Variants in KIRREL3 observed in about 807,000 individuals in gnomAD.
The protein encoded by KIRREL3 is kirre like nephrin family adhesion molecule 3.
In KIRREL3, 36 loss-of-function variants were observed where a neutral mutation model predicts 89.7. That is an observed-to-expected ratio of 0.40 (90% CI 0.31 to 0.53). The LOEUF (loss-of-function observed/expected upper bound fraction) is 0.53, where lower values mean the gene tolerates loss of function less well. Among genes scored for constraint, KIRREL3 ranks in the 20% least tolerant of loss-of-function variants. The pLI is 0.49. For synonymous variants in KIRREL3, 445 were observed against 441.4 expected, an observed-to-expected ratio of 1.01 and a Z score of -0.10; for missense variants, 864 against 1,056.6, an observed-to-expected ratio of 0.82 and a Z score of 2.53.
At chr11:126,992,530 T>C (rs1950064212) in intron 1 of KIRREL3, 1 of 152,234 alleles carries the variant, frequency 6.6e-6, no homozygotes, top group Admixed American at 6.5e-5. Context: ...GTGTGGAACA[T>C]ACAGGTAGAT....
At position 126,475,201 on chromosome 11, in the gene KIRREL3, G is replaced by A. The variant is rs76672855; in HGVS notation, c.434-1735C>T. On this transcript the variant is annotated intron_variant, in intron 4 of 16. Coordinates refer to ENST00000525144, the MANE Select transcript of KIRREL3 (RefSeq NM_032531.4). The surrounding 1 kb of genome is among the most constrained non-coding windows in gnomAD (Gnocchi z 7.5). ...CTTCTATGCAGGCTCTGTGCTCGGG[G>A]CTCTGGGCTGGAGAAGTTCAGAGCT... Among the ~76,000 whole-genome samples the A allele has an allele frequency of 6.6e-6, 1 of 152,204 alleles. No homozygotes were observed. The highest frequency in any genetic ancestry group is 1.5e-5 in the Non-Finnish European group (1 of 68,030).
rs531602932 is a variant in KIRREL3 at position 126,708,344 on chromosome 11, T to C, written c.56-145432A>G. On this transcript the variant is annotated intron_variant, in intron 1 of 16. Transcript: ENST00000525144. The surrounding 1 kb of genome is among the most constrained non-coding windows in gnomAD (Gnocchi z 5.7). ...AACAATGTACTCCTCACCAAGGCAT[T>C]TAGCCAGAAAAGTGCTCCTGCTTAG... is the stretch of plus-strand genomic sequence containing the variant. Among the ~76,000 whole-genome samples the C allele has an allele frequency of 3.0e-4, 45 of 152,338 alleles. No individual in the cohort carries two copies. The East Asian group carries it at 8.7e-3, about 29-fold the overall frequency.
rs1947465550 is a variant in KIRREL3, at chr11:126,923,186, T to TCTTCTTCTTCTCTTCTTCTTCTC, written c.55+77268_55+77269insGAGAAGAAGAAGAGAAGAAGAAG. ...CTTCTTCTTCTTCTTCTCTTCTTCT[T>TCTTCTTCTTCTCTTCTTCTTCTC]CTCTTCTTCTTCTTCTTCTTCTTCT... On this transcript the variant is annotated intron_variant, in intron 1 of 16. Transcript: ENST00000525144. 4.1e-4 allele frequency among the ~76,000 whole-genome samples: 10 copies of TCTTCTTCTTCTCTTCTTCTTCTC among 24,678 alleles called. 2 individuals carry two copies. Among genetic ancestry groups the TCTTCTTCTTCTCTTCTTCTTCTC allele is most frequent in the Non-Finnish European group, 8.2e-5 (1 of 12,204 alleles). 16.2% of individuals were successfully genotyped at this position (24,678 alleles called of 152,430 possible).
At chr11:126,630,675 C>T (rs1197775936) in intron 1 of KIRREL3, among the ~76,000 whole-genome samples, 1 of 152,200 alleles carries the variant, frequency 6.6e-6, no homozygotes, top group Non-Finnish European at 1.5e-5. Context: ...AGACTGATTG[C>T]CTCCTGCTTG....
rs1042378662 is a variant in KIRREL3 at position 126,808,710 on chromosome 11, G to A, written c.55+191745C>T. 2.6e-5 allele frequency among the ~76,000 whole-genome samples: 4 copies of A among 152,116 alleles called. No homozygotes were observed. Among genetic ancestry groups the A allele is most frequent in the Admixed American group, 2.0e-4 (3 of 15,270 alleles). On this transcript the variant is annotated intron_variant, in intron 1 of 16. Transcript: ENST00000525144. This position sits in a 1 kb window ranked among gnomAD's most constrained non-coding sequence, Gnocchi z 4.1. ...GTCTGAGTTTTGTCATGCAAACGAA[G>A]AAAAACAACTTGCTTTCCAATTTCC...
Position 126,684,321 on chromosome 11 carries a change from G to T in KIRREL3, c.56-121409C>A, listed in dbSNP as rs529681169. Among the ~76,000 whole-genome samples the T allele has an allele frequency of 3.3e-5, 5 of 152,344 alleles. No individual in the cohort carries two copies. In the South Asian group the frequency reaches 1.0e-3, roughly 32 times the overall value. ...AGACTAGATTGGGGCTTTCAACATT[G>T]CTGATATTTTGAACAGCAGAATCCT... On this transcript the variant is annotated intron_variant, in intron 1 of 16. Coordinates refer to ENST00000525144, the MANE Select transcript of KIRREL3 (RefSeq NM_032531.4). The surrounding 1 kb of genome is among the most constrained non-coding windows in gnomAD (Gnocchi z 4.2).
intron 6 of KIRREL3, 144 bp from the exon 7 acceptor site, chr11:126,456,598 G>T: frequency 4.9e-6 from 3 of 610,578 alleles, no homozygotes. Flanking sequence ...AGGAAGCTGG[G>T]GGCTCCATGG....
chr11:126,985,315 C>T lies in KIRREL3; in HGVS notation c.55+15140G>A, dbSNP rs1256486308. Among the ~76,000 whole-genome samples the T allele has an allele frequency of 1.3e-5, 2 of 152,084 alleles. No homozygotes were observed. The highest frequency in any genetic ancestry group is 2.9e-5 in the Non-Finnish European group (2 of 68,028). On this transcript the variant is annotated intron_variant, in intron 1 of 16. Coordinates refer to ENST00000525144, the MANE Select transcript of KIRREL3 (RefSeq NM_032531.4). The surrounding 1 kb of genome is among the most constrained non-coding windows in gnomAD (Gnocchi z 5.3). Reference sequence around the variant, plus strand: ...TTGTATCTGACTCTGCGCCCAAGTCCAACAAAGCCACTGCACGGTAGATGG... The same window carrying T: ...TTGTATCTGACTCTGCGCCCAAGTCTAACAAAGCCACTGCACGGTAGATGG...
At position 126,999,952 on chromosome 11, in the gene KIRREL3, G is replaced by T. The variant is rs1454932378; in HGVS notation, c.55+503C>A. Among the ~76,000 whole-genome samples the T allele has an allele frequency of 6.6e-6, 1 of 152,032 alleles. No individual in the cohort carries two copies. The highest frequency in any genetic ancestry group is 1.5e-5 in the Non-Finnish European group (1 of 68,010). On this transcript the variant is annotated intron_variant, in intron 1 of 16. Transcript: ENST00000525144. The surrounding 1 kb of genome is among the most constrained non-coding windows in gnomAD (Gnocchi z 5.7). ...CAAATTACCCCCCACAATACATTCTGTAATTGCAACCCCCTTTTCAACGGT... is the reference window on the plus strand; with the variant it reads ...CAAATTACCCCCCACAATACATTCTTTAATTGCAACCCCCTTTTCAACGGT...
At chr11:126,937,936 G>A (rs1328235235) in intron 1 of KIRREL3, among the ~76,000 whole-genome samples, 1 of 152,160 alleles carries the variant, frequency 6.6e-6, no homozygotes, top group East Asian at 1.9e-4. Flanking sequence ...CAGCAGTCAT[G>A]TTGGTACTGC....
chr11:126,552,912 T>A (rs1237763013), intron 2 of KIRREL3, among the ~76,000 whole-genome samples: 1 of 151,864 alleles, frequency 6.6e-6, no homozygotes, highest in Non-Finnish European at 1.5e-5. Context: ...AAAAAAATAG[T>A]CATTATACCA....
rs1432667231 is a variant in KIRREL3 at position 126,605,414 on chromosome 11, G to A, written c.56-42502C>T. 1.3e-5 allele frequency among the ~76,000 whole-genome samples: 2 copies of A among 152,188 alleles called. No individual in the cohort carries two copies. The highest frequency in any genetic ancestry group is 2.9e-5 in the Non-Finnish European group (2 of 68,032). ...CTTGGGTCTGGGATTTGAGGCTCAG[G>A]GGGAGGAGTCCTGCGGTGACTGCTG... On this transcript the variant is annotated intron_variant, in intron 1 of 16. Transcript: ENST00000525144. The surrounding 1 kb of genome is among the most constrained non-coding windows in gnomAD (Gnocchi z 5.7).
chr11:126,796,725 G>A lies in KIRREL3; in HGVS notation c.55+203730C>T, dbSNP rs1330377228. ...AGGTCTTGCTCTGTTGCCCAGGCTG[G>A]AGTGCAGTGGCATGATCTTGGCTCA... On this transcript the variant is annotated intron_variant, in intron 1 of 16. Coordinates refer to ENST00000525144, the MANE Select transcript of KIRREL3 (RefSeq NM_032531.4). The surrounding 1 kb of genome is among the most constrained non-coding windows in gnomAD (Gnocchi z 5.1). 5.9e-5 allele frequency among the ~76,000 whole-genome samples: 9 copies of A among 151,766 alleles called. No homozygotes were observed. The highest frequency in any genetic ancestry group is 2.2e-4 in the African/African-American group (9 of 41,276).
At chr11:126,473,255 CA>C in intron 5 of KIRREL3, 53 bp downstream of exon 5, 2 of 749,646 alleles carry the variant, frequency 2.7e-6, no homozygotes, top group Admixed American at 4.0e-5. Flanking sequence ...GCCCCCTCCC[CA>C]CCCACTCCCC....
chr11:126,517,333 C>T (rs780049907), intron 4 of KIRREL3, among the ~76,000 whole-genome samples: 12 of 152,214 alleles, frequency 7.9e-5, no homozygotes, highest in Non-Finnish European at 1.6e-4. Flanking sequence ...TGCCCAAGGT[C>T]ACCCAGTTAG....
At chr11:126,625,894 A>G (rs1274636924) in intron 1 of KIRREL3, among the ~76,000 whole-genome samples, 1 of 152,370 alleles carries the variant, frequency 6.6e-6, no homozygotes, top group East Asian at 1.9e-4. Context: ...TTACCCCTGT[A>G]TAATGACAGC....
At position 126,436,930 on chromosome 11, in the gene KIRREL3, C is replaced by T. The variant is rs1278802879; in HGVS notation, c.1433G>A (p.Gly478Asp). ...GCTGATGGTCAGGGTGGAGATGACG[C>T]CCTCCTCGGTGCTGATGGTCTCCAC... Reference protein sequence around the residue: ...YTVETISTEEGVISTLTISNI... With the variant: ...YTVETISTEEDVISTLTISNI... The change falls in exon 12 of 17, where the codon GGC becomes GAC. Residue 478 changes from glycine (G) to aspartate (D), a missense_variant. By Grantham distance (94) the Gly-to-Asp change is moderately conservative. Coordinates refer to ENST00000525144, the MANE Select transcript of KIRREL3 (RefSeq NM_032531.4). 1 of 1,612,708 alleles carries T rather than the reference C, an allele frequency of 6.2e-7. No individual in the cohort carries two copies. The highest frequency in any genetic ancestry group is 2.2e-5 in the East Asian group (1 of 44,884).
Position 126,558,105 on chromosome 11 carries a change from C to T in KIRREL3, c.133+4730G>A, listed in dbSNP as rs1939836946. Among the ~76,000 whole-genome samples, 1 of 152,194 alleles carries T rather than the reference C, an allele frequency of 6.6e-6. No individual in the cohort carries two copies. Among genetic ancestry groups the T allele is most frequent in the African/African-American group, 2.4e-5 (1 of 41,442 alleles). The stretch of plus-strand genomic sequence containing the variant: ...CCCTGATGGGCAGCCCAAGAAGGCA[C>T]CAGTGTGAGGGAGGAGTACCCTCCT... On this transcript the variant is annotated intron_variant, in intron 2 of 16. Transcript: ENST00000525144. This position sits in a 1 kb window ranked among gnomAD's most constrained non-coding sequence, Gnocchi z 4.0.
chr11:126,997,307 C>T lies in KIRREL3; in HGVS notation c.55+3148G>A, dbSNP rs1327584979. Among the ~76,000 whole-genome samples the T allele has an allele frequency of 2.0e-5, 3 of 152,166 alleles. No homozygotes were observed. Among genetic ancestry groups the T allele is most frequent in the Non-Finnish European group, 4.4e-5 (3 of 68,032 alleles). ...CAGCAGGAGGCAAATTGTGCTGTGA[C>T]ATTATCCCTCTCTGAACAAAGCATG... On this transcript the variant is annotated intron_variant, in intron 1 of 16. Transcript: ENST00000525144. The surrounding 1 kb of genome is among the most constrained non-coding windows in gnomAD (Gnocchi z 4.3).
Sources: gnomAD v4.1 joint callset for allele counts (sites outside exome capture counted in the v4.1 genomes callset) on GRCh38, gnomAD v4.1.1 for gene constraint, Gnocchi (gnomAD v3.1) non-coding constraint, MANE v1.5 for transcripts, NCBI Gene and HGNC (gene_info 2026-07-23, HGNC 2026-07-21) for gene names.